GPHN: variants seen among roughly 807,000 people sequenced by gnomAD.
GPHN encodes the protein gephyrin.
A neutral mutation model predicts 95.5 loss-of-function variants in GPHN; 17 were observed. The observed-to-expected ratio is 0.18, with a 90% CI of 0.12 to 0.27. GPHN has a LOEUF of 0.27. GPHN is among the 10% of genes least tolerant of loss of function. The pLI is 1.00. For missense variants in GPHN, 660 were observed against 978.1 expected (o/e 0.67, Z 4.34); for synonymous variants, 320 against 322.5 (o/e 0.99, Z 0.08).
At chr14:67,545,734 A>G in the GPHN span, among the ~76,000 whole-genome samples, 2 of 152,264 alleles carry the variant, frequency 1.3e-5, no homozygotes, top group East Asian at 1.9e-4. Flanking sequence ...AAATGAATCA[A>G]GTAGAACTAC....
intron 2 of GPHN, among the ~76,000 whole-genome samples, chr14:66,741,662 A>C (rs2072803528): frequency 6.6e-6 from 1 of 152,192 alleles, no homozygotes; most frequent in African/African-American, 2.4e-5. Flanking sequence ...TCAAGTTTGT[A>C]CATATGTTAC....
chr14:66,809,796 A>G (rs113219030), intron 3 of GPHN, among the ~76,000 whole-genome samples: 79 of 152,270 alleles, frequency 5.2e-4, no homozygotes, highest in African/African-American at 1.6e-3. Context: ...AGCATCCCAG[A>G]GGATTCGTGG....
intron 1 of GPHN, among the ~76,000 whole-genome samples, chr14:66,582,586 T>A (rs1343113545): frequency 1.3e-5 from 2 of 151,270 alleles, no homozygotes; most frequent in Non-Finnish European, 3.0e-5. Context: ...TTCCTGTGTC[T>A]ATGTGTTCTC....
At chr14:67,067,881 A>G (rs534853142) in intron 11 of GPHN, among the ~76,000 whole-genome samples, 1 of 152,334 alleles carries the variant, frequency 6.6e-6, no homozygotes, top group East Asian at 1.9e-4. Context: ...TGGCTAGGAA[A>G]GGGAAATCCC....
At chr14:66,797,264 T>C (rs1413465586) in intron 3 of GPHN, among the ~76,000 whole-genome samples, 2 of 151,820 alleles carry the variant, frequency 1.3e-5, no homozygotes, top group African/African-American at 4.8e-5. Context: ...TCAGGTAATA[T>C]GATTTCTTCC....
the GPHN span, among the ~76,000 whole-genome samples, chr14:67,426,308 C>T: frequency 4.6e-5 from 7 of 152,228 alleles, no homozygotes; most frequent in Non-Finnish European, 7.3e-5. Context: ...GTTTGAGCTT[C>T]ACCCTTGGGG....
the GPHN span, among the ~76,000 whole-genome samples, chr14:67,607,468 G>A: frequency 2.0e-5 from 3 of 152,154 alleles, no homozygotes; most frequent in East Asian, 5.9e-4. Context: ...CCAGGTTCAA[G>A]AGATTCTCCT....
chr14:67,611,355 G>T, the GPHN span, among the ~76,000 whole-genome samples: 1 of 152,008 alleles, frequency 6.6e-6, no homozygotes, highest in South Asian at 2.1e-4. Flanking sequence ...CCACCTCCCA[G>T]GTTCAAGTGA....
chr14:66,527,746 G>C (rs2058749743), intron 1 of GPHN, among the ~76,000 whole-genome samples: 1 of 152,136 alleles, frequency 6.6e-6, no homozygotes, highest in African/African-American at 2.4e-5. Context: ...TTCAGGGGCA[G>C]GTTGTTCAGT....
At chr14:66,871,723 A>G (rs1041380000) in intron 4 of GPHN, among the ~76,000 whole-genome samples, 5 of 149,694 alleles carry the variant, frequency 3.3e-5, no homozygotes, top group East Asian at 4.2e-4. Flanking sequence ...GAGTTGAACA[A>G]TGAGAACACA....
chr14:67,193,349 TATAG>T, the GPHN span, among the ~76,000 whole-genome samples: 1,934 of 137,452 alleles, frequency 0.014, 21 homozygotes, highest in Non-Finnish European at 0.022. Context: ...TATCTATCTA[TATAG>T]AGATATATAA....
chr14:66,979,502 G>T (rs2070504110), intron 9 of GPHN, among the ~76,000 whole-genome samples: 1 of 152,124 alleles, frequency 6.6e-6, no homozygotes, highest in African/African-American at 2.4e-5. Flanking sequence ...CTTTTCTTCT[G>T]CAGTTTCCTC....
intron 4 of GPHN, among the ~76,000 whole-genome samples, chr14:66,868,637 G>T (rs545099905): frequency 6.6e-6 from 1 of 151,976 alleles, no homozygotes; most frequent in Non-Finnish European, 1.5e-5. Flanking sequence ...CAAGTGATCC[G>T]CCCACCTTGG....
chr14:66,985,795 C>CT, intron 9 of GPHN: 1 of 965,000 alleles, frequency 1.0e-6, no homozygotes, highest in Non-Finnish European at 1.5e-6. Context: ...ACACTTCTTC[C>CT]TTTTTGGAGG....
intron 13 of GPHN, among the ~76,000 whole-genome samples, chr14:67,101,932 C>T (rs1395814114): frequency 2.0e-5 from 3 of 151,700 alleles, no homozygotes; most frequent in Non-Finnish European, 4.4e-5. Flanking sequence ...AGTGCAGTGG[C>T]GCGATCTCGG....
chr14:67,525,583 C>A, the GPHN span, among the ~76,000 whole-genome samples: 2 of 152,204 alleles, frequency 1.3e-5, no homozygotes, highest in Admixed American at 1.3e-4. Context: ...GCAAGAATCA[C>A]AACATGCCAT....
the GPHN span, among the ~76,000 whole-genome samples, chr14:67,595,200 T>G: frequency 1.3e-5 from 2 of 152,204 alleles, no homozygotes; most frequent in African/African-American, 4.8e-5. Flanking sequence ...GGGCAAATCA[T>G]GTAACATAAA....
At chr14:67,136,688 G>A (rs2080098784) in intron 17 of GPHN, among the ~76,000 whole-genome samples, 1 of 152,144 alleles carries the variant, frequency 6.6e-6, no homozygotes, top group Non-Finnish European at 1.5e-5. Context: ...AGATAAAACA[G>A]GATTCTAGAC....
chr14:66,571,760 G>A (rs1566624334), intron 1 of GPHN, among the ~76,000 whole-genome samples: 2 of 152,080 alleles, frequency 1.3e-5, no homozygotes, highest in Non-Finnish European at 2.9e-5. Flanking sequence ...ACAGTGAGCC[G>A]AGATCGTGCC....
Sources: gnomAD v4.1 joint callset for allele counts (sites outside exome capture counted in the v4.1 genomes callset) on GRCh38, gnomAD v4.1.1 for gene constraint, MANE v1.5 for transcripts, NCBI Gene and HGNC (gene_info 2026-07-23, HGNC 2026-07-21) for gene names.